The following CNTNAP2 variants were observed in gnomAD, a reference collection of about 807,000 sequenced individuals.
The protein encoded by CNTNAP2 is contactin associated protein 2.
A neutral mutation model predicts 155.2 loss-of-function variants in CNTNAP2; 98 were observed. The ratio of observed to expected loss-of-function variants is 0.63; its 90% CI spans 0.54 to 0.75. The LOEUF is 0.75. Ranked by LOEUF, CNTNAP2 falls within the 30% of genes least tolerant of loss-of-function variation. The pLI is 0.00. For synonymous variants in CNTNAP2, 651 were observed against 631.2 expected (o/e 1.03, Z -0.47); for missense variants, 1,727 against 1,688.1 (o/e 1.02, Z -0.40).
intron 1 of CNTNAP2, among the ~76,000 whole-genome samples, chr7:146,468,352 G>A (rs1297995258): frequency 6.6e-6 from 1 of 151,674 alleles, no homozygotes; most frequent in Non-Finnish European, 1.5e-5. Flanking sequence ...TGGGTGACTG[G>A]ATAATTCATA....
chr7:148,227,884 CGTGTGTGTGTGTGTGTGTGTGT>C (rs3057282), intron 19 of CNTNAP2, among the ~76,000 whole-genome samples: 35 of 131,494 alleles, frequency 2.7e-4, no homozygotes, highest in South Asian at 8.4e-4. Context: ...AAGAGCACAG[CGTGTGTGTGTGTGTGTGTGTGT>C]GTGTGTGTGT....
chr7:146,267,200 C>G (rs1192390176), intron 1 of CNTNAP2, among the ~76,000 whole-genome samples: 1 of 152,018 alleles, frequency 6.6e-6, no homozygotes, highest in Non-Finnish European at 1.5e-5. Context: ...ATGTGCTCAT[C>G]AAATGGACAT....
intron 1 of CNTNAP2, among the ~76,000 whole-genome samples, chr7:146,561,482 C>T (rs1798278781): frequency 6.6e-6 from 1 of 152,012 alleles, no homozygotes; most frequent in Non-Finnish European, 1.5e-5. Context: ...TAATGAGACC[C>T]TGTCTCTCCA....
At chr7:146,883,539 T>G (rs192225410) in intron 3 of CNTNAP2, among the ~76,000 whole-genome samples, 1 of 152,194 alleles carries the variant, frequency 6.6e-6, no homozygotes, top group East Asian at 1.9e-4. Flanking sequence ...AACTTTAGCT[T>G]AGAAATTTAG....
intron 4 of CNTNAP2, among the ~76,000 whole-genome samples, chr7:147,107,483 T>G (rs1029732833): frequency 6.6e-6 from 1 of 152,106 alleles, no homozygotes; most frequent in Admixed American, 6.6e-5. Flanking sequence ...CTGTGTCCAA[T>G]GTAGTGAAAA....
intron 15 of CNTNAP2, among the ~76,000 whole-genome samples, chr7:147,981,373 C>A (rs12703987): frequency 0.83 from 125,832 of 152,258 alleles, 52,544 homozygotes; most frequent in South Asian, 0.92. Context: ...ATAGGGATTA[C>A]ATTTATGTAA....
chr7:147,035,283 C>G (rs1799133200), intron 3 of CNTNAP2, among the ~76,000 whole-genome samples: 1 of 152,174 alleles, frequency 6.6e-6, no homozygotes, highest in African/African-American at 2.4e-5. Context: ...GGAAGGGTAA[C>G]AGGTGCAGTA....
At chr7:148,202,967 C>A (rs939594047) in intron 18 of CNTNAP2, among the ~76,000 whole-genome samples, 2 of 152,060 alleles carry the variant, frequency 1.3e-5, no homozygotes, top group African/African-American at 2.4e-5. Flanking sequence ...AGTATAATAA[C>A]TTTGATGACA....
intron 13 of CNTNAP2, among the ~76,000 whole-genome samples, chr7:147,762,155 T>TCACACACACACA (rs72526174): frequency 0.016 from 2,314 of 144,400 alleles, 45 homozygotes; most frequent in African/African-American, 0.05. Context: ...TCTCTCTGTC[T>TCACACACACACA]CACACACACA....
chr7:147,346,138 A>AT (rs200018437), intron 9 of CNTNAP2, among the ~76,000 whole-genome samples: 1,256 of 50,770 alleles, frequency 0.025, 48 homozygotes, highest in African/African-American at 0.17. Flanking sequence ...ATTTTATTTT[A>AT]TTTTATTTTA....
At chr7:147,422,355 T>G (rs1584939717) in intron 10 of CNTNAP2, among the ~76,000 whole-genome samples, 1 of 151,486 alleles carries the variant, frequency 6.6e-6, no homozygotes, top group African/African-American at 2.4e-5. Context: ...ACACTATGTA[T>G]GTGTATATAT....
At chr7:148,199,257 A>T (rs760126359) in intron 18 of CNTNAP2, among the ~76,000 whole-genome samples, 13 of 152,238 alleles carry the variant, frequency 8.5e-5, no homozygotes, top group Non-Finnish European at 1.5e-4. Context: ...TAATAACAAG[A>T]AGTGACTAGA....
rs1334945925 is a variant in CNTNAP2, at chr7:146,940,154, A to G, written c.402+100250A>G. Among the ~76,000 whole-genome samples the G allele has an allele frequency of 1.4e-4, 21 of 152,128 alleles. 1 individual carries two copies. Among genetic ancestry groups the G allele is most frequent in the Admixed American group, 1.4e-3 (21 of 15,272 alleles). On this transcript the variant is annotated intron_variant, in intron 3 of 23. Coordinates refer to ENST00000361727, the MANE Select transcript of CNTNAP2 (RefSeq NM_014141.6). ...AATTTAATATTTCATTGATGTCACG[A>G]AAAACATTCTCATGCGTCATATTTT... is the stretch of plus-strand genomic sequence containing the variant.
At chr7:147,512,723 T>C (rs1359772823) in intron 11 of CNTNAP2, among the ~76,000 whole-genome samples, 1 of 152,192 alleles carries the variant, frequency 6.6e-6, no homozygotes, top group Non-Finnish European at 1.5e-5. Context: ...AACTCAAATA[T>C]GCGTGGCTTT....
rs61695156 is a variant in CNTNAP2 at position 147,394,807 on chromosome 7, T to TTGTGTGTGTGTG, written c.1499-772_1499-761dup. Among the ~76,000 whole-genome samples the TTGTGTGTGTGTG allele has an allele frequency of 7.0e-3, 974 of 139,310 alleles. 14 individuals carry two copies. The highest frequency in any genetic ancestry group is 0.023 in the African/African-American group (856 of 36,908). The allele number at this position is 139,310 out of a possible 152,430, so 91.4% of individuals were successfully genotyped here. On this transcript the variant is annotated intron_variant, in intron 9 of 23. Coordinates refer to ENST00000361727, the MANE Select transcript of CNTNAP2 (RefSeq NM_014141.6). ...CTATTTCCTAATAGAATCAACAGTA[T>TTGTGTGTGTGTG]TGTGTGTGTGTGTGTGTGTGTGTGT...
chr7:147,443,070 C>T (rs1029902061), intron 10 of CNTNAP2, among the ~76,000 whole-genome samples: 1 of 152,096 alleles, frequency 6.6e-6, no homozygotes, highest in African/African-American at 2.4e-5. Context: ...GGTTTGGGCC[C>T]AGTTCAGCAC....
intron 18 of CNTNAP2, among the ~76,000 whole-genome samples, chr7:148,199,934 C>T (rs879436038): frequency 3.9e-5 from 6 of 152,080 alleles, no homozygotes; most frequent in Admixed American, 3.9e-4. Flanking sequence ...TGGTGTGAGT[C>T]CTGGAGTCCA....
chr7:148,224,824 C>T (rs910818388), intron 19 of CNTNAP2, among the ~76,000 whole-genome samples: 3 of 152,042 alleles, frequency 2.0e-5, no homozygotes, highest in African/African-American at 2.4e-5. Context: ...CTTCACATGG[C>T]GGCAGGAGGG....
At chr7:146,671,542 G>A (rs116327205) in intron 1 of CNTNAP2, among the ~76,000 whole-genome samples, 2,784 of 152,080 alleles carry the variant, frequency 0.018, 89 homozygotes, top group African/African-American at 0.064. Flanking sequence ...AGCTCCACTA[G>A]TTACGCAGAG....
Sources: allele counts gnomAD v4.1 joint callset (sites outside exome capture counted in the v4.1 genomes callset), GRCh38; gene constraint gnomAD v4.1.1; transcripts MANE v1.5; gene names NCBI Gene and HGNC (gene_info 2026-07-23, HGNC 2026-07-21).